The following ABR variants were observed in gnomAD, a reference collection of about 807,000 sequenced individuals.
ABR encodes active breakpoint cluster region-related protein.
ABR carries 35 observed loss-of-function variants against 107.2 expected under a neutral mutation model. The observed-to-expected ratio is 0.33, with a 90% CI of 0.25 to 0.43. The LOEUF (loss-of-function observed/expected upper bound fraction) is 0.43, where lower values mean the gene tolerates loss of function less well. Among genes scored for constraint, ABR ranks in the 20% least tolerant of loss-of-function variants. The pLI is 1.00. For synonymous variants in ABR, 498 were observed against 462.0 expected, an observed-to-expected ratio of 1.08 and a Z score of -1.00; for missense variants, 815 against 1,115.2, an observed-to-expected ratio of 0.73 and a Z score of 3.83.
In ABR at chr17:1,007,322, AG is replaced by A; in HGVS notation, c.2343-11del. 6.2e-7 allele frequency: 1 copy of A among 1,613,868 alleles called. No homozygotes were observed. Among genetic ancestry groups the A allele is most frequent in the Non-Finnish European group, 8.5e-7 (1 of 1,179,878 alleles). ...CTCCTTCTCGGCAACCCTAAGAAGGAGAAGATGGGGAGGAAAGAAGCCCTTC... is the reference window on the plus strand; with the variant it reads ...CTCCTTCTCGGCAACCCTAAGAAGGAAAGATGGGGAGGAAAGAAGCCCTTC... On this transcript the variant is annotated splice_polypyrimidine_tract_variant and intron_variant, in intron 21 of 22. Coordinates refer to ENST00000302538, the MANE Select transcript of ABR (RefSeq NM_021962.5).
intron 2 of ABR, chr17:1,109,133 A>T: frequency 6.5e-6 from 6 of 918,780 alleles, no homozygotes; most frequent in South Asian, 1.4e-5. Flanking sequence ...GGGAGGAGGG[A>T]GGAGGGAGGA....
chr17:1,026,813 C>A (rs1475160830), intron 16 of ABR, among the ~76,000 whole-genome samples: 2 of 152,232 alleles, frequency 1.3e-5, no homozygotes, highest in Non-Finnish European at 2.9e-5. Context: ...AGTTCCCAAC[C>A]ACCTGGGCAG....
rs187680963 is a variant in ABR, at chr17:1,136,253, G to C, written c.62-10886C>G. 7.5e-3 allele frequency among the ~76,000 whole-genome samples: 1,083 copies of C among 143,804 alleles called. 4 individuals carry two copies. The highest frequency in any genetic ancestry group is 0.011 in the Non-Finnish European group (731 of 64,774). The allele number at this position is 143,804 out of a possible 152,430, so 94.3% of individuals were successfully genotyped here. The stretch of plus-strand genomic sequence containing the variant: ...GGTTTTGTTGTTGTTGTTTGAAATA[G>C]AGTCTGGCTCTGTTGCCCAGGCTGG... On this transcript the variant is annotated intron_variant, in intron 1 of 22. Transcript: ENST00000302538.
intron 3 of ABR, among the ~76,000 whole-genome samples, chr17:1,098,498 A>G (rs2037639462): frequency 6.6e-6 from 1 of 152,226 alleles, no homozygotes; most frequent in African/African-American, 2.4e-5. Context: ...TTTCCCGTGT[A>G]TGATGCATGC....
At chr17:1,019,489 TGGTG>T (rs1170117303) in intron 16 of ABR, among the ~76,000 whole-genome samples, 4 of 22,474 alleles carry the variant, frequency 1.8e-4, no homozygotes, top group Non-Finnish European at 1.0e-4. Flanking sequence ...GGTGTGGCCC[TGGTG>T]CCTGCTGCAG....
chr17:1,013,032 C>T (rs929763474), intron 17 of ABR, 73 bp downstream of exon 17: 28 of 1,557,192 alleles, frequency 1.8e-5, no homozygotes, highest in African/African-American at 8.1e-5. Context: ...GCCACAGGGC[C>T]GGGCTGCCCA....
intron 16 of ABR, among the ~76,000 whole-genome samples, chr17:1,030,070 G>A (rs559886240): frequency 2.4e-4 from 37 of 152,336 alleles, no homozygotes; most frequent in African/African-American, 7.0e-4. Context: ...TCAATAGCCC[G>A]GCGTCTGCCT....
chr17:1,010,134 G>A lies in ABR; in HGVS notation c.2237-350C>T, dbSNP rs1442102234. 9.5e-6 allele frequency: 3 copies of A among 316,140 alleles called. No individual in the cohort carries two copies. Among genetic ancestry groups the A allele is most frequent in the African/African-American group, 2.1e-5 (1 of 48,234 alleles). The allele number at this position is 316,140 out of a possible 1,614,324, so 19.6% of individuals were successfully genotyped here. A position where few individuals can be genotyped will look rare whatever the true frequency, so the allele number is the denominator to read the frequency against. Reference sequence around the variant, plus strand: ...GCCAGTAGGGACATATCCTGCCAGCGGTGGATTCTCTTTCTCCACCCCTTC... The same window carrying A: ...GCCAGTAGGGACATATCCTGCCAGCAGTGGATTCTCTTTCTCCACCCCTTC... On this transcript the variant is annotated intron_variant, in intron 20 of 22. Coordinates refer to ENST00000302538, the MANE Select transcript of ABR (RefSeq NM_021962.5). This position sits in a 1 kb window ranked among gnomAD's most constrained non-coding sequence, Gnocchi z 4.1.
intron 1 of ABR, among the ~76,000 whole-genome samples, chr17:1,127,055 C>T (rs943036341): frequency 6.6e-5 from 10 of 152,150 alleles, no homozygotes; most frequent in African/African-American, 2.4e-4. Flanking sequence ...CTGGCCGTGG[C>T]CACACTCTGC....
chr17:1,159,939 G>A (rs889124339), intron 1 of ABR, among the ~76,000 whole-genome samples: 1 of 152,340 alleles, frequency 6.6e-6, no homozygotes, highest in South Asian at 2.1e-4. Flanking sequence ...GGCGAGGGAT[G>A]AGGGATGCTG....
intron 16 of ABR, among the ~76,000 whole-genome samples, chr17:1,021,788 G>A (rs1190070895): frequency 4.9e-5 from 7 of 143,584 alleles, no homozygotes; most frequent in South Asian, 2.2e-4. Flanking sequence ...CCAGCCTGGC[G>A]GCAGAAAAAA....
At chr17:1,100,602 G>C (rs1198144869) in intron 3 of ABR, 35 bp downstream of exon 3, 2 of 1,594,084 alleles carry the variant, frequency 1.3e-6, no homozygotes, top group South Asian at 1.1e-5. Flanking sequence ...ACGGGCGGGG[G>C]GACCGGAAGG....
intron 2 of ABR, among the ~76,000 whole-genome samples, chr17:1,101,448 C>T (rs1042253562): frequency 1.2e-4 from 18 of 152,194 alleles, no homozygotes; most frequent in East Asian, 5.8e-4. Context: ...CCTGGGTTCT[C>T]GAACCGACTT....
intron 1 of ABR, among the ~76,000 whole-genome samples, chr17:1,127,124 C>T (rs2039636949): frequency 1.3e-5 from 2 of 152,222 alleles, no homozygotes; most frequent in African/African-American, 2.4e-5. Flanking sequence ...CTGCTTCTGT[C>T]GGCTGCCTCT....
intron 1 of ABR, among the ~76,000 whole-genome samples, chr17:1,197,312 T>C (rs536706781): frequency 6.6e-6 from 1 of 151,674 alleles, no homozygotes; most frequent in African/African-American, 2.4e-5. Flanking sequence ...CACTTAATGC[T>C]GGAGTGAATG....
In ABR at chr17:1,050,439, C is replaced by A. The variant is rs867841404; in HGVS notation, c.1659+98G>T. The A allele has an allele frequency of 8.4e-7, 1 of 1,189,552 alleles. No individual in the cohort carries two copies. The highest frequency in any genetic ancestry group is 1.3e-6 in the Non-Finnish European group (1 of 799,620). 73.7% of individuals were successfully genotyped at this position (1,189,552 alleles called of 1,614,324 possible). On this transcript the variant is annotated intron_variant, in intron 15 of 22. Coordinates refer to ENST00000302538, the MANE Select transcript of ABR (RefSeq NM_021962.5). This position sits in a 1 kb window ranked among gnomAD's most constrained non-coding sequence, Gnocchi z 4.6. ...CAGGGAGCAGAAAGGGGGGTGCAGA[C>A]ATAGCTGGTCCAACCAATGGGCTGG... is the stretch of plus-strand genomic sequence containing the variant.
intron 16 of ABR, among the ~76,000 whole-genome samples, chr17:1,019,694 G>A (rs554390958): frequency 1.3e-5 from 2 of 152,388 alleles, no homozygotes; most frequent in Admixed American, 6.5e-5. Context: ...CAACTGCGCT[G>A]GCTATTTATA....
intron 16 of ABR, chr17:1,031,683 G>C: frequency 8.0e-7 from 1 of 1,255,994 alleles, no homozygotes; most frequent in Non-Finnish European, 1.0e-6. Flanking sequence ...CTCCTCCAGC[G>C]CCAGGGGTTC....
At chr17:1,209,813 C>T (rs1280935999) in intron 1 of ABR, among the ~76,000 whole-genome samples, 1 of 152,172 alleles carries the variant, frequency 6.6e-6, no homozygotes, top group African/African-American at 2.4e-5. Context: ...TTTCATTGAG[C>T]AGTTTGGAGG....
Sources: allele counts gnomAD v4.1 joint callset (sites outside exome capture counted in the v4.1 genomes callset), GRCh38; gene constraint gnomAD v4.1.1; non-coding constraint Gnocchi (gnomAD v3.1); transcripts MANE v1.5; gene names NCBI Gene and HGNC (gene_info 2026-07-23, HGNC 2026-07-21).